LRFN5: variants seen among roughly 807,000 people sequenced by gnomAD.
LRFN5 encodes the protein leucine rich repeat and fibronectin type III domain containing 5, also known as leucine-rich repeat and fibronectin type-III domain-containing protein 5.
In LRFN5, 24 loss-of-function variants were observed where a neutral mutation model predicts 45.6. That is an observed-to-expected ratio of 0.53 (90% CI 0.38 to 0.74). The LOEUF is 0.74. Among genes scored for constraint, LRFN5 ranks in the 30% least tolerant of loss-of-function variants. LRFN5 has a pLI of 0.00. For synonymous variants in LRFN5, 340 were observed against 313.8 expected, an observed-to-expected ratio of 1.08 and a Z score of -0.88; for missense variants, 776 against 861.5, an observed-to-expected ratio of 0.90 and a Z score of 1.24.
At chr14:41,738,796 G>T (rs1884560620) in intron 1 of LRFN5, among the ~76,000 whole-genome samples, 1 of 152,078 alleles carries the variant, frequency 6.6e-6, no homozygotes, top group African/African-American at 2.4e-5. Flanking sequence ...CTTAATGTAG[G>T]TTGTTTTATA....
intron 2 of LRFN5, among the ~76,000 whole-genome samples, chr14:41,844,251 CA>C (rs1237355209): frequency 6.6e-6 from 1 of 152,012 alleles, no homozygotes; most frequent in Non-Finnish European, 1.5e-5. Flanking sequence ...TCCTGGCTAA[CA>C]TGGTGAAACC....
At chr14:41,856,554 C>A (rs548217469) in intron 2 of LRFN5, among the ~76,000 whole-genome samples, 2 of 151,826 alleles carry the variant, frequency 1.3e-5, no homozygotes, top group South Asian at 2.1e-4. Flanking sequence ...TTCAAACTTT[C>A]ACTCTCTGAA....
chr14:41,829,234 G>T (rs1247406443), intron 2 of LRFN5, among the ~76,000 whole-genome samples: 1 of 151,778 alleles, frequency 6.6e-6, no homozygotes, highest in East Asian at 1.9e-4. Flanking sequence ...TGTGAACATA[G>T]AACTGATTTT....
chr14:41,724,968 C>T (rs1487634665), intron 1 of LRFN5, among the ~76,000 whole-genome samples: 5 of 152,070 alleles, frequency 3.3e-5, no homozygotes, highest in African/African-American at 4.8e-5. Flanking sequence ...GTCAGATTAT[C>T]CTTTTTTTTA....
chr14:41,760,601 T>C (rs567709277), intron 1 of LRFN5, among the ~76,000 whole-genome samples: 34 of 152,324 alleles, frequency 2.2e-4, no homozygotes, highest in African/African-American at 7.7e-4. Context: ...AAAATTTGTA[T>C]GTTTATAAAA....
chr14:41,673,172 T>C (rs978172451), intron 1 of LRFN5, among the ~76,000 whole-genome samples: 2 of 152,090 alleles, frequency 1.3e-5, no homozygotes, highest in Non-Finnish European at 2.9e-5. Flanking sequence ...GCCTTTCCCC[T>C]CTTTCTATTC....
At chr14:41,752,156 G>C (rs192129006) in intron 1 of LRFN5, among the ~76,000 whole-genome samples, 1 of 152,076 alleles carries the variant, frequency 6.6e-6, no homozygotes, top group African/African-American at 2.4e-5. Flanking sequence ...TCTTAATCCA[G>C]TCTATCATTT....
intron 2 of LRFN5, among the ~76,000 whole-genome samples, chr14:41,868,123 AAGC>A (rs1232563459): frequency 2.0e-5 from 3 of 152,146 alleles, no homozygotes; most frequent in African/African-American, 7.2e-5. Flanking sequence ...ATCAAACAAA[AAGC>A]AGCAGCAAAC....
chr14:41,737,873 T>G (rs186191744), intron 1 of LRFN5, among the ~76,000 whole-genome samples: 1 of 151,794 alleles, frequency 6.6e-6, no homozygotes, highest in African/African-American at 2.4e-5. Context: ...AAAAAAAAAA[T>G]CCATGCTCAT....
intron 2 of LRFN5, among the ~76,000 whole-genome samples, chr14:41,800,729 A>C (rs966920438): frequency 1.3e-5 from 2 of 151,866 alleles, no homozygotes; most frequent in African/African-American, 4.8e-5. Flanking sequence ...ACAATAAAAA[A>C]GTAAGTCTAA....
chr14:41,893,584 C>A (rs1409809640), intron 4 of LRFN5: 9 of 985,246 alleles, frequency 9.1e-6, no homozygotes, highest in Non-Finnish European at 1.1e-5. Context: ...ACTTAAGACA[C>A]AAGTGAGGAA....
chr14:41,765,987 A>G (rs8019655), intron 1 of LRFN5, among the ~76,000 whole-genome samples: 3,406 of 152,254 alleles, frequency 0.022, 139 homozygotes, highest in African/African-American at 0.078. Flanking sequence ...AGAAATAATA[A>G]GCTAAACTCA....
intron 1 of LRFN5, among the ~76,000 whole-genome samples, chr14:41,623,320 C>T (rs1051240640): frequency 6.6e-6 from 1 of 152,084 alleles, no homozygotes; most frequent in Non-Finnish European, 1.5e-5. Flanking sequence ...GCTTTGCTTT[C>T]CCGTAACTTT....
chr14:41,771,375 T>C (rs1337303002), intron 2 of LRFN5, among the ~76,000 whole-genome samples: 1 of 151,980 alleles, frequency 6.6e-6, no homozygotes, highest in Non-Finnish European at 1.5e-5. Flanking sequence ...ATCGGTTCTT[T>C]ATATTCTTTC....
chr14:41,634,348 GTTC>G (rs1418402527), intron 1 of LRFN5, among the ~76,000 whole-genome samples: 3 of 152,264 alleles, frequency 2.0e-5, no homozygotes, highest in Admixed American at 1.3e-4. Context: ...AAGTTAGGAA[GTTC>G]TTCTAGTGAT....
intron 1 of LRFN5, among the ~76,000 whole-genome samples, chr14:41,643,822 T>A (rs1340453587): frequency 1.3e-5 from 2 of 152,098 alleles, no homozygotes; most frequent in African/African-American, 2.4e-5. Context: ...TCTCTACACA[T>A]GAAACCATCT....
Position 41,673,449 on chromosome 14 carries a change from A to AC in LRFN5, c.-197+64894dup, listed in dbSNP as rs564196582. 9.3e-3 allele frequency among the ~76,000 whole-genome samples: 1,161 copies of AC among 125,486 alleles called. 27 individuals carry two copies. Among genetic ancestry groups the AC allele is most frequent in the African/African-American group, 0.034 (1,082 of 31,908 alleles). The allele number at this position is 125,486 out of a possible 152,430, so 82.3% of individuals were successfully genotyped here. On this transcript the variant is annotated intron_variant, in intron 1 of 5. Coordinates refer to ENST00000298119, the MANE Select transcript of LRFN5 (RefSeq NM_152447.5). Reference sequence around the variant, plus strand: ...GGCGGCTGGCCGGGCGGGGGGGCTGACCCCCCCACCTCCCTCCTGGACGGG... The same window carrying AC: ...GGCGGCTGGCCGGGCGGGGGGGCTGACCCCCCCCACCTCCCTCCTGGACGGG...
Position 41,650,605 on chromosome 14 carries a change from T to G in LRFN5, c.-197+42043T>G, listed in dbSNP as rs997120147. ...AACTTAAATATTAGTAAGGCTTTAA[T>G]TCAGAAAATCCACATTGAATAATCT... On this transcript the variant is annotated intron_variant, in intron 1 of 5. Coordinates refer to ENST00000298119, the MANE Select transcript of LRFN5 (RefSeq NM_152447.5). Among the ~76,000 whole-genome samples the G allele has an allele frequency of 3.0e-4, 46 of 152,146 alleles. 1 individual carries two copies. The highest frequency in any genetic ancestry group is 6.6e-5 in the Admixed American group (1 of 15,264).
chr14:41,698,296 C>G (rs1882698731), intron 1 of LRFN5, among the ~76,000 whole-genome samples: 1 of 152,036 alleles, frequency 6.6e-6, no homozygotes, highest in African/African-American at 2.4e-5. Flanking sequence ...CTAGAACAAG[C>G]AGCATTCACT....
Sources: gnomAD v4.1 joint callset for allele counts (sites outside exome capture counted in the v4.1 genomes callset) on GRCh38, gnomAD v4.1.1 for gene constraint, MANE v1.5 for transcripts, NCBI Gene and HGNC (gene_info 2026-07-23, HGNC 2026-07-21) for gene names.